The following KCNQ5 variants were observed in gnomAD, a reference collection of about 807,000 sequenced individuals.
KCNQ5 encodes potassium voltage-gated channel subfamily KQT member 5.
Under a neutral mutation model 98.2 loss-of-function variants are expected in KCNQ5, and 30 were observed. That is an observed-to-expected ratio of 0.31 (90% CI 0.23 to 0.41). The LOEUF (loss-of-function observed/expected upper bound fraction) is 0.41. KCNQ5 is among the 10% of genes least tolerant of loss of function. The pLI is 1.00. For synonymous variants in KCNQ5, 458 were observed against 449.4 expected, an observed-to-expected ratio of 1.02 and a Z score of -0.24; for missense variants, 835 against 1,182.5, an observed-to-expected ratio of 0.71 and a Z score of 4.31.
At chr6:72,707,889 T>C (rs1022134552) in intron 1 of KCNQ5, among the ~76,000 whole-genome samples, 6 of 152,138 alleles carry the variant, frequency 3.9e-5, no homozygotes, top group African/African-American at 9.7e-5. Flanking sequence ...ATTTTTTTAT[T>C]TTGCAGGCTG....
At chr6:73,104,450 A>C (rs1194049755) in intron 5 of KCNQ5, among the ~76,000 whole-genome samples, 1 of 152,184 alleles carries the variant, frequency 6.6e-6, no homozygotes, top group Non-Finnish European at 1.5e-5. Context: ...AAATTGAAGA[A>C]GTCACTAATC....
intron 1 of KCNQ5, among the ~76,000 whole-genome samples, chr6:72,645,302 C>T (rs986284024): frequency 6.6e-6 from 1 of 150,878 alleles, no homozygotes; most frequent in Non-Finnish European, 1.5e-5. Context: ...GGGAGGATCA[C>T]CTGAGCTCAG....
rs114892846 is a variant in KCNQ5, at chr6:72,656,767, C to T, written c.398+34180C>T. ...CACACAAATTTATGTCCACTGAGAG[C>T]ATCTTATCTCTGGCTCTGACACTTT... On this transcript the variant is annotated intron_variant, in intron 1 of 13. Coordinates refer to ENST00000370398, the MANE Select transcript of KCNQ5 (RefSeq NM_019842.4). Among the ~76,000 whole-genome samples, 610 of 152,164 alleles carry T rather than the reference C, an allele frequency of 4.0e-3. 4 individuals carry two copies. The highest frequency in any genetic ancestry group is 0.014 in the African/African-American group (588 of 41,548).
chr6:73,010,629 C>A (rs143435786), intron 2 of KCNQ5, among the ~76,000 whole-genome samples: 1 of 148,312 alleles, frequency 6.7e-6, no homozygotes, highest in East Asian at 1.9e-4. Flanking sequence ...ATGTAGGAAC[C>A]CCTGAAGATT....
intron 1 of KCNQ5, among the ~76,000 whole-genome samples, chr6:72,775,987 TA>T (rs1278145287): frequency 1.3e-5 from 2 of 152,214 alleles, no homozygotes; most frequent in Non-Finnish European, 2.9e-5. Flanking sequence ...TGGACTTTAA[TA>T]ATGTATCAAT....
intron 1 of KCNQ5, among the ~76,000 whole-genome samples, chr6:72,705,634 C>A (rs1340528447): frequency 6.6e-6 from 1 of 150,674 alleles, no homozygotes; most frequent in Non-Finnish European, 1.5e-5. Flanking sequence ...ACAGCTAATA[C>A]AATAAATCAA....
At position 72,622,124 on chromosome 6, in the gene KCNQ5, C is replaced by T; in HGVS notation, c.-66C>T. On this transcript the variant is annotated 5_prime_UTR_variant, in exon 1 of 14. Transcript: ENST00000370398. This position sits in a 1 kb window ranked among gnomAD's most constrained non-coding sequence, Gnocchi z 6.0. Reference sequence around the variant, plus strand: ...CGGCTTCCTCCTTGAAACCCGCCGGCGCACATGAGGCCGCTGCCCCCGCCG... The same window carrying T: ...CGGCTTCCTCCTTGAAACCCGCCGGTGCACATGAGGCCGCTGCCCCCGCCG... 8.4e-7 allele frequency: 1 copy of T among 1,196,736 alleles called. No individual in the cohort carries two copies. Among genetic ancestry groups the T allele is most frequent in the Non-Finnish European group, 1.0e-6 (1 of 962,012 alleles). The allele number at this position is 1,196,736 out of a possible 1,614,324, so 74.1% of individuals were successfully genotyped here.
intron 1 of KCNQ5, among the ~76,000 whole-genome samples, chr6:72,825,416 A>G (rs1045165745): frequency 1.1e-4 from 16 of 152,180 alleles, no homozygotes; most frequent in Non-Finnish European, 2.4e-4. Flanking sequence ...TGTTTTATAC[A>G]TATCTCCCCA....
intron 1 of KCNQ5, among the ~76,000 whole-genome samples, chr6:72,686,753 A>G (rs1041884599): frequency 3.4e-5 from 4 of 116,600 alleles, no homozygotes; most frequent in Non-Finnish European, 6.8e-5. Context: ...TAAGTCTTTG[A>G]TACATCTGGG....
At position 73,150,377 on chromosome 6, in the gene KCNQ5, A is replaced by G. The variant is rs942816886; in HGVS notation, c.1468+16736A>G. 3.6e-4 allele frequency among the ~76,000 whole-genome samples: 54 copies of G among 150,656 alleles called. 1 individual carries two copies. The highest frequency in any genetic ancestry group is 6.3e-4 in the Non-Finnish European group (43 of 67,772). ...TGTTATGTTCCCATAAATCCTATATATGCATGGTCGTAGTAGCTTTCTTTG... is the reference window on the plus strand; with the variant it reads ...TGTTATGTTCCCATAAATCCTATATGTGCATGGTCGTAGTAGCTTTCTTTG... On this transcript the variant is annotated intron_variant, in intron 10 of 13. Transcript: ENST00000370398.
intron 5 of KCNQ5, among the ~76,000 whole-genome samples, chr6:73,102,118 G>A (rs903892149): frequency 6.6e-6 from 1 of 152,036 alleles, no homozygotes; most frequent in African/African-American, 2.4e-5. Flanking sequence ...ACTCATTTTC[G>A]ACAAAAGTAC....
intron 1 of KCNQ5, among the ~76,000 whole-genome samples, chr6:72,799,654 A>G (rs1207471166): frequency 1.3e-5 from 2 of 152,218 alleles, no homozygotes; most frequent in African/African-American, 4.8e-5. Flanking sequence ...CGGAGGTTCC[A>G]GAGTTTGAAT....
At chr6:73,020,781 A>T (rs1408804308) in intron 2 of KCNQ5, among the ~76,000 whole-genome samples, 1 of 152,160 alleles carries the variant, frequency 6.6e-6, no homozygotes, top group African/African-American at 2.4e-5. Context: ...GTTGTATGCC[A>T]GGAAACAAGG....
intron 1 of KCNQ5, among the ~76,000 whole-genome samples, chr6:72,771,285 A>G (rs1460416430): frequency 6.6e-6 from 1 of 152,164 alleles, no homozygotes; most frequent in Non-Finnish European, 1.5e-5. Context: ...ATTTATTCCA[A>G]CTTATGAAAA....
At chr6:72,881,082 C>G (rs895960641) in intron 1 of KCNQ5, among the ~76,000 whole-genome samples, 1 of 152,206 alleles carries the variant, frequency 6.6e-6, no homozygotes, top group African/African-American at 2.4e-5. Flanking sequence ...ATTGTCACTA[C>G]ATTACAGAAA....
At chr6:72,846,925 A>G (rs1777046548) in intron 1 of KCNQ5, among the ~76,000 whole-genome samples, 1 of 152,172 alleles carries the variant, frequency 6.6e-6, no homozygotes, top group Admixed American at 6.5e-5. Flanking sequence ...TCATTTGGAT[A>G]AATAAGTTAT....
At chr6:72,626,574 A>G (rs1489275068) in intron 1 of KCNQ5, among the ~76,000 whole-genome samples, 1 of 152,216 alleles carries the variant, frequency 6.6e-6, no homozygotes, top group Non-Finnish European at 1.5e-5. Context: ...TGATATAATC[A>G]GATATAAATT....
At chr6:73,117,434 A>G (rs1391960002) in intron 7 of KCNQ5, among the ~76,000 whole-genome samples, 3 of 152,234 alleles carry the variant, frequency 2.0e-5, no homozygotes, top group Non-Finnish European at 4.4e-5. Flanking sequence ...ACAAGAGCTT[A>G]GCTGTTGGGA....
chr6:73,118,696 A>AG (rs1177140777), intron 7 of KCNQ5, among the ~76,000 whole-genome samples: 1 of 152,134 alleles, frequency 6.6e-6, no homozygotes, highest in Non-Finnish European at 1.5e-5. Flanking sequence ...ATCATGACTG[A>AG]TGTGTTATGT....
Sources: gnomAD v4.1 joint callset for allele counts (sites outside exome capture counted in the v4.1 genomes callset) on GRCh38, gnomAD v4.1.1 for gene constraint, Gnocchi (gnomAD v3.1) non-coding constraint, MANE v1.5 for transcripts, NCBI Gene and HGNC (gene_info 2026-07-23, HGNC 2026-07-21) for gene names.